MACROD2: variants seen among roughly 807,000 people sequenced by gnomAD.
MACROD2 encodes mono-ADP ribosylhydrolase 2.
A neutral mutation model predicts 70.4 loss-of-function variants in MACROD2; 36 were observed. The ratio of observed to expected loss-of-function variants is 0.51; its 90% CI spans 0.39 to 0.68. The LOEUF (loss-of-function observed/expected upper bound fraction) is 0.68. Ranked by LOEUF, MACROD2 falls within the 30% of genes least tolerant of loss-of-function variation. The pLI, the probability that MACROD2 is intolerant of heterozygous loss-of-function variation, is 0.00. For missense variants in MACROD2, 496 were observed against 538.4 expected (o/e 0.92, Z 0.78); for synonymous variants, 172 against 178.8 (o/e 0.96, Z 0.30).
chr20:15,449,098 G>A (rs1294365424), intron 7 of MACROD2, among the ~76,000 whole-genome samples: 1 of 152,134 alleles, frequency 6.6e-6, no homozygotes, highest in Non-Finnish European at 1.5e-5. Flanking sequence ...GCTCATTAGT[G>A]TCTAGTCACC....
At chr20:15,589,463 C>T (rs1166818611) in intron 8 of MACROD2, among the ~76,000 whole-genome samples, 1 of 152,204 alleles carries the variant, frequency 6.6e-6, no homozygotes, top group Non-Finnish European at 1.5e-5. Context: ...AGCACAGCTT[C>T]CCTCATTATC....
chr20:15,120,645 A>G (rs11697482), intron 5 of MACROD2, among the ~76,000 whole-genome samples: 44,763 of 152,078 alleles, frequency 0.29, 7,924 homozygotes, highest in Non-Finnish European at 0.41. Context: ...GATTAAAACC[A>G]TGTTTAATCA....
At chr20:14,600,221 C>A in intron 4 of MACROD2, among the ~76,000 whole-genome samples, 1 of 151,776 alleles carries the variant, frequency 6.6e-6, no homozygotes, top group African/African-American at 2.4e-5. Flanking sequence ...GCTTAATTTT[C>A]TTAGCTATAA....
At chr20:15,370,273 C>G (rs1211381511) in intron 6 of MACROD2, among the ~76,000 whole-genome samples, 1 of 151,926 alleles carries the variant, frequency 6.6e-6, no homozygotes, top group Non-Finnish European at 1.5e-5. Context: ...CTCTTTAGTT[C>G]TAAATTTGCA....
chr20:14,101,938 A>C (rs928454499), intron 3 of MACROD2, among the ~76,000 whole-genome samples: 2 of 142,048 alleles, frequency 1.4e-5, no homozygotes, highest in African/African-American at 5.2e-5. Context: ...TTAAGTTCAT[A>C]CTTTTTCATA....
At chr20:15,856,784 T>A (rs1331061260) in intron 8 of MACROD2, among the ~76,000 whole-genome samples, 1 of 152,224 alleles carries the variant, frequency 6.6e-6, no homozygotes, top group Non-Finnish European at 1.5e-5. Flanking sequence ...GACTAGGGAA[T>A]CATCTGAGTT....
intron 5 of MACROD2, among the ~76,000 whole-genome samples, chr20:14,849,673 C>T (rs1013666815): frequency 1.7e-4 from 26 of 152,002 alleles, no homozygotes; most frequent in Non-Finnish European, 2.5e-4. Flanking sequence ...CCCAGCCACT[C>T]GGGAGGCTAA....
At position 15,398,694 on chromosome 20, in the gene MACROD2, C is replaced by T. The variant is rs532810849; in HGVS notation, c.541-32711C>T. Among the ~76,000 whole-genome samples the T allele has an allele frequency of 9.9e-5, 15 of 152,118 alleles. No individual in the cohort carries two copies. The South Asian group carries it at 2.3e-3, about 23-fold the overall frequency. ...ATCTAAATATCTTCTCTCTTTTTGC[C>T]GTCTTCATTGTGTTGGTTGTGGCTT... On this transcript the variant is annotated intron_variant, in intron 6 of 17. Coordinates refer to ENST00000684519, the MANE Select transcript of MACROD2 (RefSeq NM_001351661.2).
intron 7 of MACROD2, among the ~76,000 whole-genome samples, chr20:15,499,451 A>G (rs6105419): frequency 0.42 from 63,829 of 152,048 alleles, 14,170 homozygotes; most frequent in Non-Finnish European, 0.49. Flanking sequence ...CACTTCTTAC[A>G]AGAAAATAAT....
intron 5 of MACROD2, among the ~76,000 whole-genome samples, chr20:14,998,745 C>A (rs1197558787): frequency 6.6e-6 from 1 of 152,026 alleles, no homozygotes; most frequent in African/African-American, 2.4e-5. Context: ...ACTTTCCATG[C>A]CTAGAGAAAG....
chr20:15,413,348 G>C (rs1196929552), intron 6 of MACROD2, among the ~76,000 whole-genome samples: 1 of 152,162 alleles, frequency 6.6e-6, no homozygotes, highest in Non-Finnish European at 1.5e-5. Flanking sequence ...TACACCATAT[G>C]TAAAGGAAAC....
At chr20:14,204,050 T>G (rs2081502649) in intron 3 of MACROD2, among the ~76,000 whole-genome samples, 1 of 152,090 alleles carries the variant, frequency 6.6e-6, no homozygotes, top group African/African-American at 2.4e-5. Flanking sequence ...GTGCCAGCAA[T>G]GGAGGGACTG....
chr20:15,486,398 C>A (rs1600482047), intron 7 of MACROD2, among the ~76,000 whole-genome samples: 1 of 152,130 alleles, frequency 6.6e-6, no homozygotes, highest in East Asian at 1.9e-4. Flanking sequence ...AAATAAGATA[C>A]ATTTAGGGAA....
At chr20:14,854,787 C>G (rs560692961) in intron 5 of MACROD2, among the ~76,000 whole-genome samples, 2 of 152,066 alleles carry the variant, frequency 1.3e-5, no homozygotes, top group African/African-American at 4.8e-5. Context: ...GAGGCCGAGG[C>G]GGGTGGATCA....
intron 3 of MACROD2, among the ~76,000 whole-genome samples, chr20:14,266,758 T>TTATATG (rs1224157565): frequency 9.8e-5 from 15 of 152,332 alleles, no homozygotes; most frequent in African/African-American, 3.4e-4. Context: ...TGGATTACTG[T>TTATATG]TATATGTATA....
At chr20:15,554,852 T>C (rs1200959604) in intron 8 of MACROD2, among the ~76,000 whole-genome samples, 1 of 152,228 alleles carries the variant, frequency 6.6e-6, no homozygotes, top group South Asian at 2.1e-4. Flanking sequence ...TTTAGCTGTT[T>C]AGCCTTGGAG....
intron 3 of MACROD2, among the ~76,000 whole-genome samples, chr20:14,400,419 T>C (rs939267021): frequency 5.9e-5 from 9 of 152,206 alleles, no homozygotes; most frequent in African/African-American, 2.2e-4. Context: ...CCAGATATTA[T>C]TCCTCTCAGG....
intron 5 of MACROD2, among the ~76,000 whole-genome samples, chr20:14,872,367 C>A (rs1480872442): frequency 6.6e-6 from 1 of 151,974 alleles, no homozygotes; most frequent in Non-Finnish European, 1.5e-5. Flanking sequence ...GTCATATGAC[C>A]CCTTCTAATT....
intron 8 of MACROD2, among the ~76,000 whole-genome samples, chr20:15,610,011 TTTC>T (rs1297457942): frequency 6.6e-6 from 1 of 152,210 alleles, no homozygotes; most frequent in Non-Finnish European, 1.5e-5. Context: ...GTGGGTAATA[TTTC>T]TTCTTCTGTC....
Sources: allele counts gnomAD v4.1 joint callset (sites outside exome capture counted in the v4.1 genomes callset), GRCh38; gene constraint gnomAD v4.1.1; transcripts MANE v1.5; gene names NCBI Gene and HGNC (gene_info 2026-07-23, HGNC 2026-07-21).